Variants in IFT52 observed in about 807,000 individuals in gnomAD.
IFT52 encodes the protein intraflagellar transport protein 52 homolog.
In IFT52, 44 loss-of-function variants were observed where a neutral mutation model predicts 54.4. The ratio of observed to expected loss-of-function variants is 0.81; its 90% CI spans 0.63 to 1.04. The LOEUF (loss-of-function observed/expected upper bound fraction) is 1.04, where lower values mean the gene tolerates loss of function less well. IFT52 is among the 50% of genes least tolerant of loss of function. IFT52 has a pLI of 0.00. For synonymous variants in IFT52, 181 were observed against 185.3 expected (o/e 0.98, Z 0.19); for missense variants, 452 against 523.6 (o/e 0.86, Z 1.33).
intron 9 of IFT52, 194 bp downstream of exon 9, chr20:43,621,119 A>T (rs746453842): frequency 8.7e-6 from 4 of 460,044 alleles, no homozygotes; most frequent in African/African-American, 2.0e-5. Flanking sequence ...AATTAATCAT[A>T]GAATTAATTG....
rs541175328 is a variant in IFT52 at position 43,605,354 on chromosome 20, G to A, written c.485+281G>A. ...CTGAGGTCAGGAGTTAGAGACAAGT[G>A]TAACCAACATGGCAAAATCCCATCT... On this transcript the variant is annotated intron_variant, in intron 6 of 13. Transcript: ENST00000373030. The A allele has an allele frequency of 5.6e-5, 30 of 538,566 alleles. No individual in the cohort carries two copies. In the African/African-American group the frequency reaches 5.6e-4, roughly 10 times the overall value. The allele number at this position is 538,566 out of a possible 1,614,324, so 33.4% of individuals were successfully genotyped here.
chr20:43,622,199 G>C (rs1049141598), intron 9 of IFT52, among the ~76,000 whole-genome samples: 2 of 152,190 alleles, frequency 1.3e-5, no homozygotes. Flanking sequence ...GCTTCTCAGA[G>C]ACTGATTTGG....
chr20:43,592,095 C>T (rs1601012652), intron 1 of IFT52, among the ~76,000 whole-genome samples: 1 of 152,292 alleles, frequency 6.6e-6, no homozygotes, highest in East Asian at 1.9e-4. Context: ...TGGCTCACAC[C>T]TGTAATCCCA....
intron 3 of IFT52, among the ~76,000 whole-genome samples, chr20:43,599,779 T>C (rs1171709019): frequency 6.6e-6 from 1 of 152,188 alleles, no homozygotes; most frequent in Non-Finnish European, 1.5e-5. Flanking sequence ...AGTCTTTCCT[T>C]ATTTCCACCT....
At chr20:43,642,038 C>T (rs927808452) in intron 12 of IFT52, 1 of 154,010 alleles carries the variant, frequency 6.5e-6, no homozygotes, top group Admixed American at 6.5e-5. Context: ...AAGTGATCTA[C>T]CTGCTTCAGC....
chr20:43,622,715 T>A (rs1984405935), intron 9 of IFT52, among the ~76,000 whole-genome samples: 1 of 147,306 alleles, frequency 6.8e-6, no homozygotes, highest in South Asian at 2.1e-4. Context: ...ATACATATTT[T>A]TATGTAAATA....
intron 2 of IFT52, among the ~76,000 whole-genome samples, chr20:43,595,378 G>A (rs1031525199): frequency 3.4e-5 from 5 of 145,512 alleles, no homozygotes; most frequent in Non-Finnish European, 3.0e-5. Context: ...GCGAAACCCT[G>A]TCTCTACTAA....
chr20:43,643,266 AGC>A (rs199616504), intron 13 of IFT52, among the ~76,000 whole-genome samples: 5,685 of 26,478 alleles, frequency 0.21, 981 homozygotes, highest in Non-Finnish European at 0.27. Flanking sequence ...CAGGTGGTTC[AGC>A]TGAGGTCAGG....
intron 2 of IFT52, among the ~76,000 whole-genome samples, chr20:43,596,000 C>T (rs1294376391): frequency 6.6e-6 from 1 of 152,196 alleles, no homozygotes; most frequent in African/African-American, 2.4e-5. Context: ...TCTAATTATA[C>T]ACATGTAGCT....
chr20:43,620,010 G>A (rs1321955244), intron 8 of IFT52, among the ~76,000 whole-genome samples: 3 of 138,478 alleles, frequency 2.2e-5, no homozygotes, highest in Non-Finnish European at 3.0e-5. Context: ...ATCGCCTCAC[G>A]GGTTCAAGCG....
intron 13 of IFT52, among the ~76,000 whole-genome samples, chr20:43,643,172 AAC>A (rs1986041485): frequency 6.7e-6 from 1 of 149,234 alleles, no homozygotes; most frequent in East Asian, 2.0e-4. Flanking sequence ...CTCAAAAAAA[AAC>A]AAAAAAACAA....
chr20:43,640,034 C>G (rs561278185), intron 12 of IFT52, among the ~76,000 whole-genome samples: 1 of 151,504 alleles, frequency 6.6e-6, no homozygotes, highest in Non-Finnish European at 1.5e-5. Flanking sequence ...CATGGTGGCT[C>G]ACTCCTGTAG....
intron 12 of IFT52, among the ~76,000 whole-genome samples, chr20:43,638,139 C>T (rs1373032395): frequency 1.3e-5 from 2 of 152,062 alleles, no homozygotes; most frequent in African/African-American, 2.4e-5. Flanking sequence ...TAAAATTAAC[C>T]ATCCACTTTG....
chr20:43,593,402 A>G (rs1207598028), intron 1 of IFT52, among the ~76,000 whole-genome samples: 1 of 152,248 alleles, frequency 6.6e-6, no homozygotes, highest in Non-Finnish European at 1.5e-5. Context: ...CAGCCATTCA[A>G]TAGATAAGAA....
intron 12 of IFT52, among the ~76,000 whole-genome samples, chr20:43,640,234 A>G (rs887679534): frequency 6.6e-6 from 1 of 152,094 alleles, no homozygotes; most frequent in Non-Finnish European, 1.5e-5. Flanking sequence ...AGGCAGGTGG[A>G]TCACAAGGTC....
At chr20:43,601,941 A>C (rs972766221) in intron 3 of IFT52, among the ~76,000 whole-genome samples, 16 of 152,166 alleles carry the variant, frequency 1.1e-4, no homozygotes, top group Non-Finnish European at 1.5e-4. Flanking sequence ...ACCTAGTAAC[A>C]GGTCCTAGGA....
intron 7 of IFT52, among the ~76,000 whole-genome samples, chr20:43,617,280 T>TA (rs1265246098): frequency 5.3e-5 from 8 of 152,346 alleles, no homozygotes; most frequent in Admixed American, 3.9e-4. Flanking sequence ...TGAAAGAACT[T>TA]ATTTCACTAA....
intron 8 of IFT52, among the ~76,000 whole-genome samples, chr20:43,619,327 C>T (rs999017337): frequency 7.2e-5 from 11 of 152,124 alleles, no homozygotes; most frequent in Non-Finnish European, 4.4e-5. Flanking sequence ...AGCAGTATCA[C>T]GTGTAAGGCC....
intron 3 of IFT52, among the ~76,000 whole-genome samples, chr20:43,598,761 A>G (rs1982198350): frequency 6.6e-6 from 1 of 152,172 alleles, no homozygotes; most frequent in Non-Finnish European, 1.5e-5. Context: ...TAAATTTAGG[A>G]AAGATTAGGT....
Sources: gnomAD v4.1 joint callset for allele counts (sites outside exome capture counted in the v4.1 genomes callset) on GRCh38, gnomAD v4.1.1 for gene constraint, MANE v1.5 for transcripts, NCBI Gene and HGNC (gene_info 2026-07-23, HGNC 2026-07-21) for gene names.